The following HMGN2 variants were observed in gnomAD, a reference collection of about 807,000 sequenced individuals.
HMGN2 encodes the protein high mobility group nucleosomal binding domain 2, also known as non-histone chromosomal protein HMG-17.
A neutral mutation model predicts 16.9 loss-of-function variants in HMGN2; 2 were observed. The observed-to-expected ratio is 0.12, with a 90% CI of 0.05 to 0.37. The LOEUF (loss-of-function observed/expected upper bound fraction) is 0.37. HMGN2 is among the 10% of genes least tolerant of loss of function. The probability of loss-of-function intolerance (pLI) is 1.00; values close to 1 mark genes in which losing one functional copy is unlikely to be tolerated. For synonymous variants in HMGN2, 31 were observed against 34.9 expected (o/e 0.89, Z 0.39); for missense variants, 90 against 106.0 (o/e 0.85, Z 0.66).
rs1237324225 is a variant in HMGN2, at chr1:26,475,214, C to G, written c.*66C>G. The stretch of plus-strand genomic sequence containing the variant: ...TACAGTTTGAAATACTATTTTTTAT[C>G]AAGTTTTATAAAAATGCAGAATTTT... On this transcript the variant is annotated 3_prime_UTR_variant, in exon 6 of 6. Coordinates refer to ENST00000361427, the MANE Select transcript of HMGN2 (RefSeq NM_005517.4). 12 of 1,030,822 alleles carry G rather than the reference C, an allele frequency of 1.2e-5. No homozygotes were observed. Among genetic ancestry groups the G allele is most frequent in the Non-Finnish European group, 1.6e-5 (11 of 695,346 alleles). 63.9% of individuals were successfully genotyped at this position (1,030,822 alleles called of 1,614,324 possible).
At position 26,473,324 on chromosome 1, in the gene HMGN2, C is replaced by CAGAGGT. The variant is rs1570378204; in HGVS notation, c.16-159_16-158insAGAGGT. ...CGGGGTCGGCGAGCCGGAGCTCCTG[C>CAGAGGT]GCGCGCTTCGTTCTTATACGAACGT... On this transcript the variant is annotated intron_variant, in intron 1 of 5. Transcript: ENST00000361427. 2.3e-5 allele frequency: 14 copies of CAGAGGT among 612,328 alleles called. 1 individual carries two copies. The East Asian group carries it at 3.9e-4, about 17-fold the overall frequency. The allele number at this position is 612,328 out of a possible 1,614,324, so 37.9% of individuals were successfully genotyped here.
In HMGN2 at chr1:26,473,863, C is replaced by T; in HGVS notation, c.90+131C>T. 2.0e-5 allele frequency: 20 copies of T among 985,876 alleles called. No homozygotes were observed. In the South Asian group the frequency reaches 2.4e-4, roughly 12 times the overall value. 61.1% of individuals were successfully genotyped at this position (985,876 alleles called of 1,614,324 possible). On this transcript the variant is annotated intron_variant, in intron 3 of 5. Coordinates refer to ENST00000361427, the MANE Select transcript of HMGN2 (RefSeq NM_005517.4). ...CATTGCCTCTACTTGGGACTCTTGC[C>T]CCTTTGGGTTTTGCTGGTTCTGAAA...
rs2075603418 is a variant in HMGN2, at chr1:26,475,709, G to A, written c.*561G>A. 3.3e-6 allele frequency: 1 copy of A among 304,104 alleles called. No homozygotes were observed. The highest frequency in any genetic ancestry group is 1.2e-3 in the Middle Eastern group (1 of 824). The allele number at this position is 304,104 out of a possible 1,614,324, so 18.8% of individuals were successfully genotyped here. ...GCCATTTTCATTTCACTTCCTGAAAGTCAGGGTCGGCTTGTGAAAAGTTGT... is the reference window on the plus strand; with the variant it reads ...GCCATTTTCATTTCACTTCCTGAAAATCAGGGTCGGCTTGTGAAAAGTTGT... On this transcript the variant is annotated 3_prime_UTR_variant, in exon 6 of 6. Transcript: ENST00000361427.
chr1:26,475,182 G>A lies in HMGN2; in HGVS notation c.*34G>A. On this transcript the variant is annotated 3_prime_UTR_variant, in exon 6 of 6. Coordinates refer to ENST00000361427, the MANE Select transcript of HMGN2 (RefSeq NM_005517.4). Reference sequence around the variant, plus strand: ...CATTTTTGATAACTGTGTACTTCTGGTGACTGTACAGTTTGAAATACTATT... The same window carrying A: ...CATTTTTGATAACTGTGTACTTCTGATGACTGTACAGTTTGAAATACTATT... The A allele has an allele frequency of 7.5e-7, 1 of 1,337,922 alleles. No individual in the cohort carries two copies. The highest frequency in any genetic ancestry group is 1.1e-6 in the Non-Finnish European group (1 of 939,440). The allele number at this position is 1,337,922 out of a possible 1,614,324, so 82.9% of individuals were successfully genotyped here. A position where few individuals can be genotyped will look rare whatever the true frequency, so the allele number is the denominator to read the frequency against.
At chr1:26,475,071 T>C (rs751179173) in intron 5 of HMGN2, 42 bp from the exon 6 acceptor site, 2 of 1,562,654 alleles carry the variant, frequency 1.3e-6, no homozygotes, top group Admixed American at 3.5e-5. Context: ...ACAGATAGTT[T>C]TGAAATCTAC....
chr1:26,473,601 C>T, intron 2 of HMGN2, 74 bp downstream of exon 2: 1 of 1,547,132 alleles, frequency 6.5e-7, no homozygotes, highest in Non-Finnish European at 8.9e-7. Context: ...TAACCGTAAC[C>T]TGTGTCCTGA....
intron 5 of HMGN2, 108 bp downstream of exon 5, chr1:26,474,775 C>T: frequency 1.0e-5 from 7 of 683,354 alleles, no homozygotes; most frequent in Non-Finnish European, 1.6e-5. Flanking sequence ...CCATTTGGTC[C>T]AGTGTGCTTG....
intron 1 of HMGN2, 70 bp from the exon 2 acceptor site, chr1:26,473,413 C>T: frequency 9.3e-7 from 1 of 1,078,498 alleles, no homozygotes; most frequent in Non-Finnish European, 1.4e-6. Context: ...TCATTTTTAG[C>T]ACTCTAAAGT....
rs931362756 is a variant in HMGN2, at chr1:26,474,429, G to A, written c.142-143G>A. 1.8e-5 allele frequency: 11 copies of A among 627,378 alleles called. No individual in the cohort carries two copies. In the African/African-American group the frequency reaches 1.8e-4, roughly 11 times the overall value. The allele number at this position is 627,378 out of a possible 1,614,324, so 38.9% of individuals were successfully genotyped here. On this transcript the variant is annotated intron_variant, in intron 4 of 5. Transcript: ENST00000361427. ...AGCAAATTACAGATAATTTAGCCTA[G>A]TTTTGATCAGTTGTTCTTGTCAAAT...
intron 5 of HMGN2, 35 bp from the exon 6 acceptor site, chr1:26,475,078 C>T: frequency 6.3e-7 from 1 of 1,580,426 alleles, no homozygotes; most frequent in Non-Finnish European, 8.7e-7. Flanking sequence ...GTTTTGAAAT[C>T]TACGCATTGC....
Position 26,472,490 on chromosome 1 carries a change from A to C in HMGN2, c.-123A>C. On this transcript the variant is annotated 5_prime_UTR_variant, in exon 1 of 6. Coordinates refer to ENST00000361427, the MANE Select transcript of HMGN2 (RefSeq NM_005517.4). ...GCTCCCAGCGCTATAAAAACTTTAT[A>C]AACCCCCCGGAGCCCGAGCAGTGTG... 8.2e-7 allele frequency: 1 copy of C among 1,225,378 alleles called. No homozygotes were observed. The highest frequency in any genetic ancestry group is 1.2e-6 in the Non-Finnish European group (1 of 869,500). 75.9% of individuals were successfully genotyped at this position (1,225,378 alleles called of 1,614,324 possible).
In HMGN2 at chr1:26,475,171, G is replaced by A. The variant is rs905556299; in HGVS notation, c.*23G>A. 11 of 1,465,836 alleles carry A rather than the reference G, an allele frequency of 7.5e-6. No homozygotes were observed. Among genetic ancestry groups the A allele is most frequent in the Admixed American group, 1.7e-5 (1 of 59,286 alleles). 90.8% of individuals were successfully genotyped at this position (1,465,836 alleles called of 1,614,324 possible). A position where few individuals can be genotyped will look rare whatever the true frequency, so the allele number is the denominator to read the frequency against. Reference sequence around the variant, plus strand: ...TGAAGTGTGTGCATTTTTGATAACTGTGTACTTCTGGTGACTGTACAGTTT... The same window carrying A: ...TGAAGTGTGTGCATTTTTGATAACTATGTACTTCTGGTGACTGTACAGTTT... On this transcript the variant is annotated 3_prime_UTR_variant, in exon 6 of 6. Coordinates refer to ENST00000361427, the MANE Select transcript of HMGN2 (RefSeq NM_005517.4).
At position 26,473,185 on chromosome 1, in the gene HMGN2, C is replaced by G. The variant is rs1024404969; in HGVS notation, c.16-298C>G. On this transcript the variant is annotated intron_variant, in intron 1 of 5. Transcript: ENST00000361427. ...CGGCTGCCATAGCAACGGCGCTGGG[C>G]TCCGCCTCCGGAGGGGGTTTGTTTG... is the stretch of plus-strand genomic sequence containing the variant. 6.7e-5 allele frequency: 28 copies of G among 417,178 alleles called. 1 individual carries two copies. The highest frequency in any genetic ancestry group is 1.1e-4 in the Non-Finnish European group (25 of 232,122). The allele number at this position is 417,178 out of a possible 1,614,324, so 25.8% of individuals were successfully genotyped here.
At chr1:26,473,158 G>C (rs922321729) in intron 1 of HMGN2, 4 of 334,008 alleles carry the variant, frequency 1.2e-5, no homozygotes, top group African/African-American at 8.9e-5. Context: ...TCCCGCCCTC[G>C]ACGGCTGCCA....
At chr1:26,474,860 A>G (rs1264010516) in intron 5 of HMGN2, 193 bp downstream of exon 5, 6 of 610,946 alleles carry the variant, frequency 9.8e-6, no homozygotes, top group Non-Finnish European at 1.7e-5. Flanking sequence ...GTTTTATACT[A>G]CATGAAGTTT....
In HMGN2 at chr1:26,472,536, C is replaced by T. The variant is rs913369961; in HGVS notation, c.-77C>T. ...GTGTGAAGAAGAGGCGAGAACGACC[C>T]CCGGACCGACCAAAGCCCGCGCGCC... On this transcript the variant is annotated 5_prime_UTR_variant, in exon 1 of 6. Transcript: ENST00000361427. 8.7e-5 allele frequency: 132 copies of T among 1,524,588 alleles called. No homozygotes were observed. The East Asian group carries it at 2.1e-3, about 24-fold the overall frequency. 94.4% of individuals were successfully genotyped at this position (1,524,588 alleles called of 1,614,324 possible). A position where few individuals can be genotyped will look rare whatever the true frequency, so the allele number is the denominator to read the frequency against.
intron 3 of HMGN2, 86 bp downstream of exon 3, chr1:26,473,818 G>C: frequency 7.4e-7 from 1 of 1,346,996 alleles, no homozygotes; most frequent in Non-Finnish European, 1.1e-6. Context: ...ATGAATTATG[G>C]TTAGTGCCTG....
In HMGN2 at chr1:26,475,738, A is replaced by G. The variant is rs2075603783; in HGVS notation, c.*590A>G. The G allele has an allele frequency of 9.2e-6, 3 of 324,700 alleles. No individual in the cohort carries two copies. The highest frequency in any genetic ancestry group is 4.7e-5 in the South Asian group (2 of 42,506). 20.1% of individuals were successfully genotyped at this position (324,700 alleles called of 1,614,324 possible). On this transcript the variant is annotated 3_prime_UTR_variant, in exon 6 of 6. Coordinates refer to ENST00000361427, the MANE Select transcript of HMGN2 (RefSeq NM_005517.4). ...GGGTCGGCTTGTGAAAAGTTGTTAA[A>G]CAACATGCTAAATGTGAAATGTCAA...
Position 26,475,169 on chromosome 1 carries a change from C to T in HMGN2, c.*21C>T, listed in dbSNP as rs757341291. ...AGTGAAGTGTGTGCATTTTTGATAACTGTGTACTTCTGGTGACTGTACAGT... is the reference window on the plus strand; with the variant it reads ...AGTGAAGTGTGTGCATTTTTGATAATTGTGTACTTCTGGTGACTGTACAGT... On this transcript the variant is annotated 3_prime_UTR_variant, in exon 6 of 6. Coordinates refer to ENST00000361427, the MANE Select transcript of HMGN2 (RefSeq NM_005517.4). The T allele has an allele frequency of 6.8e-7, 1 of 1,460,388 alleles. No homozygotes were observed. The highest frequency in any genetic ancestry group is 9.6e-7 in the Non-Finnish European group (1 of 1,042,506). The allele number at this position is 1,460,388 out of a possible 1,614,324, so 90.5% of individuals were successfully genotyped here.
Sources: allele counts gnomAD v4.1 joint callset, GRCh38; gene constraint gnomAD v4.1.1; transcripts MANE v1.5; gene names NCBI Gene and HGNC (gene_info 2026-07-23, HGNC 2026-07-21).